The following DIP2C variants were observed in gnomAD, a reference collection of about 807,000 sequenced individuals.
DIP2C encodes DIP2 acetate--CoA ligase C (putative), also known as disco-interacting protein 2 homolog C.
A neutral mutation model predicts 192.4 loss-of-function variants in DIP2C; 33 were observed. That is an observed-to-expected ratio of 0.17 (90% CI 0.13 to 0.23). The LOEUF (loss-of-function observed/expected upper bound fraction) is 0.23. DIP2C is among the 10% of genes least tolerant of loss of function. The pLI is 1.00. For missense variants in DIP2C, 1,537 were observed against 2,110.1 expected (o/e 0.73, Z 5.32); for synonymous variants, 979 against 864.1 (o/e 1.13, Z -2.33).
chr10:488,030 A>G (rs934529790), intron 1 of DIP2C, among the ~76,000 whole-genome samples: 5 of 152,260 alleles, frequency 3.3e-5, no homozygotes, highest in Non-Finnish European at 5.9e-5. Context: ...TTTACAAACA[A>G]TGTCCAAAAT....
At chr10:524,841 T>C (rs1253358910) in intron 1 of DIP2C, among the ~76,000 whole-genome samples, 1 of 152,058 alleles carries the variant, frequency 6.6e-6, no homozygotes, top group Non-Finnish European at 1.5e-5. Context: ...TACAGGACTT[T>C]CGCTATTTTA....
At chr10:435,062 T>C (rs965450294) in intron 4 of DIP2C, among the ~76,000 whole-genome samples, 2 of 152,230 alleles carry the variant, frequency 1.3e-5, no homozygotes, top group East Asian at 1.9e-4. Flanking sequence ...CAGCCATTAA[T>C]GTTAAAAATA....
chr10:589,632 T>C (rs1164172919), intron 1 of DIP2C, among the ~76,000 whole-genome samples: 1 of 152,234 alleles, frequency 6.6e-6, no homozygotes, highest in East Asian at 1.9e-4. Flanking sequence ...CTCTGTCAGC[T>C]AACCCGTGTG....
At chr10:477,823 G>C in intron 2 of DIP2C, among the ~76,000 whole-genome samples, 1 of 135,670 alleles carries the variant, frequency 7.4e-6, no homozygotes, top group African/African-American at 2.9e-5. Context: ...GAAAACAAGA[G>C]AGAAGGAGAA....
chr10:464,331 GT>G (rs1201572579), intron 3 of DIP2C, among the ~76,000 whole-genome samples: 2 of 151,468 alleles, frequency 1.3e-5, no homozygotes, highest in African/African-American at 4.9e-5. Flanking sequence ...GTGGACAAAG[GT>G]TATGAACAGA....
chr10:581,821 C>G (rs922432724), intron 1 of DIP2C, among the ~76,000 whole-genome samples: 9 of 152,262 alleles, frequency 5.9e-5, no homozygotes, highest in African/African-American at 1.9e-4. Context: ...CTAATCCTCT[C>G]CAACTGAGGT....
chr10:515,665 G>T (rs772248979), intron 1 of DIP2C, among the ~76,000 whole-genome samples: 7 of 152,088 alleles, frequency 4.6e-5, no homozygotes, highest in African/African-American at 1.7e-4. Context: ...CAGAGGTTGC[G>T]GTGAGCCAAG....
intron 32 of DIP2C, among the ~76,000 whole-genome samples, chr10:292,879 C>T (rs1484091803): frequency 2.6e-5 from 4 of 152,224 alleles, no homozygotes; most frequent in African/African-American, 7.2e-5. Flanking sequence ...CATGCAAAGG[C>T]GGATGAGCAC....
chr10:365,075 CTT>C, intron 19 of DIP2C: 2 of 502,782 alleles, frequency 4.0e-6, no homozygotes, highest in Non-Finnish European at 8.2e-6. Flanking sequence ...CTCTAACCCT[CTT>C]TTTTCCTCCA....
chr10:554,702 G>A (rs946888865), intron 1 of DIP2C, among the ~76,000 whole-genome samples: 14 of 152,172 alleles, frequency 9.2e-5, no homozygotes, highest in South Asian at 2.1e-4. Context: ...AGGACACCGC[G>A]CACAGATTCT....
chr10:482,950 C>G (rs1374037210), intron 2 of DIP2C, among the ~76,000 whole-genome samples: 1 of 152,226 alleles, frequency 6.6e-6, no homozygotes, highest in Non-Finnish European at 1.5e-5. Context: ...CAGGCACCCT[C>G]TCTGACCCTT....
intron 3 of DIP2C, among the ~76,000 whole-genome samples, chr10:443,552 CAT>C (rs1967916334): frequency 6.6e-6 from 1 of 152,158 alleles, no homozygotes; most frequent in African/African-American, 2.4e-5. Context: ...GAACACACAA[CAT>C]GTGTGTACAC....
intron 8 of DIP2C, among the ~76,000 whole-genome samples, chr10:410,541 C>CAA (rs1965119372): frequency 1.3e-5 from 2 of 152,268 alleles, no homozygotes; most frequent in South Asian, 4.1e-4. Flanking sequence ...TTTTCCCCAA[C>CAA]AAAAACAATT....
chr10:282,442 T>C (rs1954879783), intron 35 of DIP2C, among the ~76,000 whole-genome samples: 1 of 152,120 alleles, frequency 6.6e-6, no homozygotes, highest in Non-Finnish European at 1.5e-5. Context: ...CCATTGTAGG[T>C]ATGTTAGAGA....
chr10:337,141 T>TGTGTGCAC (rs1957844677), intron 29 of DIP2C, among the ~76,000 whole-genome samples: 1 of 138,654 alleles, frequency 7.2e-6, no homozygotes, highest in Non-Finnish European at 1.6e-5. Flanking sequence ...TGTGTGTGTG[T>TGTGTGCAC]GTGTGTTGTG....
intron 17 of DIP2C, 24 bp from the exon 18 acceptor site, chr10:369,657 A>C (rs747321801): frequency 1.9e-6 from 3 of 1,613,960 alleles, no homozygotes; most frequent in Non-Finnish European, 2.5e-6. Context: ...TTTTAACTTG[A>C]ATATGCAGGA....
chr10:636,132 T>G lies in DIP2C; in HGVS notation c.85+53362A>C, dbSNP rs1209259112. On this transcript the variant is annotated intron_variant, in intron 1 of 36. Transcript: ENST00000280886. The surrounding 1 kb of genome is among the most constrained non-coding windows in gnomAD (Gnocchi z 4.6). ...GCTCATAGCTACATACAAAATAACTTTATCACAAGGAAAACTAGGTGGTGA... is the reference window on the plus strand; with the variant it reads ...GCTCATAGCTACATACAAAATAACTGTATCACAAGGAAAACTAGGTGGTGA... Among the ~76,000 whole-genome samples, 1 of 152,084 alleles carries G rather than the reference T, an allele frequency of 6.6e-6. No individual in the cohort carries two copies. Among genetic ancestry groups the G allele is most frequent in the Non-Finnish European group, 1.5e-5 (1 of 68,010 alleles).
chr10:546,103 G>GA (rs1312884144), intron 1 of DIP2C, among the ~76,000 whole-genome samples: 2 of 150,768 alleles, frequency 1.3e-5, no homozygotes, highest in Non-Finnish European at 2.9e-5. Flanking sequence ...CCAACATGGT[G>GA]AAACCCCATC....
chr10:331,452 A>ACC (rs984656566), intron 29 of DIP2C, among the ~76,000 whole-genome samples: 25 of 152,222 alleles, frequency 1.6e-4, no homozygotes, highest in South Asian at 6.2e-4. Flanking sequence ...TGGGTTCCTC[A>ACC]CCCCTGGCTT....
Sources: allele counts gnomAD v4.1 joint callset (sites outside exome capture counted in the v4.1 genomes callset), GRCh38; gene constraint gnomAD v4.1.1; non-coding constraint Gnocchi (gnomAD v3.1); transcripts MANE v1.5; gene names NCBI Gene and HGNC (gene_info 2026-07-23, HGNC 2026-07-21).